The following BPNT2 variants were observed in gnomAD, a reference collection of about 807,000 sequenced individuals.
BPNT2 encodes 3'(2'), 5'-bisphosphate nucleotidase 2.
A neutral mutation model predicts 29.3 loss-of-function variants in BPNT2; 11 were observed. The observed-to-expected ratio is 0.38, with a 90% CI of 0.24 to 0.62. The LOEUF is 0.62. Ranked by LOEUF, BPNT2 falls within the 20% of genes least tolerant of loss-of-function variation. The pLI is 0.62. For synonymous variants in BPNT2, 195 were observed against 187.7 expected, an observed-to-expected ratio of 1.04 and a Z score of -0.32; for missense variants, 459 against 473.4, an observed-to-expected ratio of 0.97 and a Z score of 0.28.
At chr8:56,987,272 T>C (rs1806340569) in intron 1 of BPNT2, among the ~76,000 whole-genome samples, 1 of 152,234 alleles carries the variant, frequency 6.6e-6, no homozygotes, top group South Asian at 2.1e-4. Context: ...TTGACTGGAT[T>C]ATGGAATGCC....
At chr8:56,969,068 T>C (rs1805992532) in intron 3 of BPNT2, among the ~76,000 whole-genome samples, 1 of 152,160 alleles carries the variant, frequency 6.6e-6, no homozygotes, top group African/African-American at 2.4e-5. Context: ...CAACAATGTC[T>C]GGAGCCACCA....
chr8:56,967,151 A>T, intron 3 of BPNT2: 1 of 456,298 alleles, frequency 2.2e-6, no homozygotes, highest in Non-Finnish European at 4.4e-6. Flanking sequence ...GCAGTCACTC[A>T]CTACAGGGCA....
chr8:56,969,002 C>T (rs1805991250), intron 3 of BPNT2, among the ~76,000 whole-genome samples: 1 of 152,080 alleles, frequency 6.6e-6, no homozygotes. Flanking sequence ...AGGAGACTGT[C>T]ATGTGAAGAT....
intron 1 of BPNT2, among the ~76,000 whole-genome samples, chr8:56,986,797 A>G (rs554662114): frequency 6.6e-6 from 1 of 152,314 alleles, no homozygotes; most frequent in South Asian, 2.1e-4. Flanking sequence ...ACTGGAAAAC[A>G]GAATGGTTGT....
chr8:56,967,187 T>C (rs1422413907), intron 3 of BPNT2: 1 of 456,206 alleles, frequency 2.2e-6, no homozygotes, highest in Non-Finnish European at 4.4e-6. Context: ...TGGCTAGTAA[T>C]GAAACCAGCT....
chr8:56,982,550 C>T (rs570167924), intron 1 of BPNT2, among the ~76,000 whole-genome samples: 1 of 152,116 alleles, frequency 6.6e-6, no homozygotes, highest in Admixed American at 6.5e-5. Flanking sequence ...TTAAAGATAC[C>T]ACAGTGATCA....
intron 1 of BPNT2, among the ~76,000 whole-genome samples, chr8:56,988,155 G>A (rs1447499088): frequency 1.3e-5 from 2 of 152,084 alleles, no homozygotes; most frequent in Admixed American, 6.6e-5. Flanking sequence ...AATTAAACAT[G>A]CTGTAGTGTC....
At chr8:56,966,469 A>T (rs569784216) in intron 3 of BPNT2, 117 bp from the exon 4 acceptor site, 1 of 885,060 alleles carries the variant, frequency 1.1e-6, no homozygotes, top group South Asian at 1.4e-5. Flanking sequence ...CTAAAAAATT[A>T]TTTGTATTTT....
At chr8:56,969,666 A>G (rs929207825) in intron 3 of BPNT2, among the ~76,000 whole-genome samples, 1 of 152,232 alleles carries the variant, frequency 6.6e-6, no homozygotes, top group African/African-American at 2.4e-5. Context: ...GTAGTGAACC[A>G]AGAGACAATG....
chr8:56,966,347 C>A lies in BPNT2; in HGVS notation c.652G>T (p.Ala218Ser), dbSNP rs376366002. Residue 218 changes from alanine (A) to serine (S), a missense_variant, in exon 4 of 5, where the codon GCA becomes TCA. By Grantham distance (99) the Ala-to-Ser change is moderately conservative. Coordinates refer to ENST00000262644, the MANE Select transcript of BPNT2 (RefSeq NM_017813.5). ...HKPFSEYTAW[A>S]MVDGGSNVKA... Reference sequence around the variant, plus strand: ...ACATTTGAACCACCATCTACCATTGCCCAAGCTGAAAAGCAAATATAATAT... The same window carrying A: ...ACATTTGAACCACCATCTACCATTGACCAAGCTGAAAAGCAAATATAATAT... The A allele has an allele frequency of 2.4e-5, 38 of 1,613,388 alleles. No homozygotes were observed. The highest frequency in any genetic ancestry group is 3.1e-5 in the Non-Finnish European group (37 of 1,179,584).
intron 1 of BPNT2, among the ~76,000 whole-genome samples, chr8:56,985,500 C>T (rs1026353048): frequency 6.6e-6 from 1 of 152,066 alleles, no homozygotes; most frequent in African/African-American, 2.4e-5. Context: ...CCCAAAGAAG[C>T]CCATTATGGT....
Position 56,962,632 on chromosome 8 carries a change from A to T in BPNT2, c.*1161T>A, listed in dbSNP as rs1011067509. ...TCTAACCAGACTAGAAAAAAATTTC[A>T]TCAAAAAGTACCTTCAACCTTCTCT... On this transcript the variant is annotated 3_prime_UTR_variant, in exon 5 of 5. Coordinates refer to ENST00000262644, the MANE Select transcript of BPNT2 (RefSeq NM_017813.5). 1.3e-5 allele frequency: 2 copies of T among 152,190 alleles called. No homozygotes were observed. Among genetic ancestry groups the T allele is most frequent in the African/African-American group, 4.8e-5 (2 of 41,448 alleles). 9.4% of individuals were successfully genotyped at this position (152,190 alleles called of 1,614,324 possible).
rs988585822 is a variant in BPNT2 at position 56,967,093 on chromosome 8, C to A, written c.647-741G>T. ...TTTCTTCACTGACTATAAAACTATA[C>A]AAGAGAACAAACTTACTCAGAATTA... On this transcript the variant is annotated intron_variant, in intron 3 of 4. Coordinates refer to ENST00000262644, the MANE Select transcript of BPNT2 (RefSeq NM_017813.5). 6.6e-5 allele frequency: 30 copies of A among 455,074 alleles called. No individual in the cohort carries two copies. In the East Asian group the frequency reaches 2.0e-3, roughly 31 times the overall value. The allele number at this position is 455,074 out of a possible 1,614,324, so 28.2% of individuals were successfully genotyped here. A position where few individuals can be genotyped will look rare whatever the true frequency, so the allele number is the denominator to read the frequency against.
At chr8:56,988,971 C>T (rs1282195492) in intron 1 of BPNT2, among the ~76,000 whole-genome samples, 1 of 152,116 alleles carries the variant, frequency 6.6e-6, no homozygotes, top group African/African-American at 2.4e-5. Flanking sequence ...TAAGCTCTCA[C>T]CTGAAAAAGG....
chr8:56,989,272 T>G (rs1806373232), intron 1 of BPNT2, among the ~76,000 whole-genome samples: 1 of 151,550 alleles, frequency 6.6e-6, no homozygotes, highest in Non-Finnish European at 1.5e-5. Flanking sequence ...CTTGGGAGGC[T>G]GAGGCAGGAG....
chr8:56,969,591 A>T (rs1806000386), intron 3 of BPNT2, among the ~76,000 whole-genome samples: 1 of 152,242 alleles, frequency 6.6e-6, no homozygotes. Context: ...ACATCAAAAA[A>T]AAACAACTGT....
rs1041885508 is a variant in BPNT2, at chr8:56,993,834, G to A, written c.-249C>T. On this transcript the variant is annotated 5_prime_UTR_variant, in exon 1 of 5. Coordinates refer to ENST00000262644, the MANE Select transcript of BPNT2 (RefSeq NM_017813.5). The stretch of plus-strand genomic sequence containing the variant: ...TCTAGGTTCTTCCGCCGGCCGGCTG[G>A]TCCGACTTCCACGTTAGCCTACGGC... The A allele has an allele frequency of 1.4e-5, 4 of 285,688 alleles. No individual in the cohort carries two copies. The highest frequency in any genetic ancestry group is 6.8e-5 in the African/African-American group (3 of 43,976). The allele number at this position is 285,688 out of a possible 1,614,324, so 17.7% of individuals were successfully genotyped here. A position where few individuals can be genotyped will look rare whatever the true frequency, so the allele number is the denominator to read the frequency against.
At chr8:56,980,851 C>A (rs1353359012) in intron 1 of BPNT2, among the ~76,000 whole-genome samples, 1 of 145,576 alleles carries the variant, frequency 6.9e-6, no homozygotes, top group Non-Finnish European at 1.5e-5. Context: ...CACACACACA[C>A]AAACCCCCCT....
At position 56,980,260 on chromosome 8, in the gene BPNT2, C is replaced by G; in HGVS notation, c.388-63G>C. ...CGAACAATCACTATTTGATAAACTA[C>G]AAAAGTATTTCAGACAACAATCACC... On this transcript the variant is annotated intron_variant, in intron 1 of 4. Coordinates refer to ENST00000262644, the MANE Select transcript of BPNT2 (RefSeq NM_017813.5). The G allele has an allele frequency of 2.2e-6, 3 of 1,335,270 alleles. No homozygotes were observed. The South Asian group carries it at 3.6e-5, about 16-fold the overall frequency. The allele number at this position is 1,335,270 out of a possible 1,614,324, so 82.7% of individuals were successfully genotyped here.
Sources: allele counts gnomAD v4.1 joint callset (sites outside exome capture counted in the v4.1 genomes callset), GRCh38; gene constraint gnomAD v4.1.1; transcripts MANE v1.5; gene names NCBI Gene and HGNC (gene_info 2026-07-23, HGNC 2026-07-21).